Variants in LANCL2 observed in about 807,000 individuals in gnomAD.
LANCL2 encodes LanC like glutathione S-transferase 2.
A neutral mutation model predicts 56.9 loss-of-function variants in LANCL2; 33 were observed. That is an observed-to-expected ratio of 0.58 (90% CI 0.44 to 0.78). LANCL2 has a LOEUF of 0.78. Ranked by LOEUF, LANCL2 falls within the 30% of genes least tolerant of loss-of-function variation. The pLI is 0.00. For missense variants in LANCL2, 562 were observed against 580.2 expected (o/e 0.97, Z 0.32); for synonymous variants, 233 against 228.2 (o/e 1.02, Z -0.19).
In LANCL2 at chr7:55,399,968, T is replaced by C; in HGVS notation, c.542T>C (p.Leu181Pro). ...TTCTTATTGGTTAGACTTTTGCAGCTCCAGAGATCGGTTGTCTGCCAAGAA... is the reference window on the plus strand; with the variant it reads ...TTCTTATTGGTTAGACTTTTGCAGCCCCAGAGATCGGTTGTCTGCCAAGAA... ...SQECVTKLLQ[L>P]QRSVVCQESD... The change falls in exon 4 of 9, where the codon CTC becomes CCC. Residue 181 changes from leucine to proline, a missense_variant. Physicochemically the swap from Leu to Pro is moderately conservative, Grantham distance 98. Coordinates refer to ENST00000254770, the MANE Select transcript of LANCL2 (RefSeq NM_018697.4). The C allele has an allele frequency of 1.2e-6, 2 of 1,611,440 alleles. No individual in the cohort carries two copies. The highest frequency in any genetic ancestry group is 1.7e-6 in the Non-Finnish European group (2 of 1,178,280).
chr7:55,428,477 A>G (rs1302133866), intron 8 of LANCL2, 30 bp downstream of exon 8: 1 of 1,592,474 alleles, frequency 6.3e-7, no homozygotes, highest in Non-Finnish European at 8.6e-7. Context: ...TATAGATTAA[A>G]TGTTTGGGTG....
chr7:55,414,531 G>A (rs1790505000), intron 6 of LANCL2, among the ~76,000 whole-genome samples: 1 of 152,150 alleles, frequency 6.6e-6, no homozygotes, highest in Non-Finnish European at 1.5e-5. Flanking sequence ...CCTTTACAAA[G>A]AAAACTGTAA....
At chr7:55,404,965 G>A (rs937255252) in intron 5 of LANCL2, among the ~76,000 whole-genome samples, 1 of 152,142 alleles carries the variant, frequency 6.6e-6, no homozygotes, top group African/African-American at 2.4e-5. Context: ...TTTAAAAATG[G>A]CACTGTTATT....
chr7:55,410,519 T>G (rs1162029544), intron 5 of LANCL2, among the ~76,000 whole-genome samples: 2 of 152,238 alleles, frequency 1.3e-5, no homozygotes, highest in African/African-American at 4.8e-5. Flanking sequence ...ACTTTGGTGC[T>G]TATGGAATGA....
At chr7:55,378,551 T>C (rs1265931995) in intron 1 of LANCL2, among the ~76,000 whole-genome samples, 1 of 151,858 alleles carries the variant, frequency 6.6e-6, no homozygotes, top group Non-Finnish European at 1.5e-5. Context: ...TGTGTGTGTG[T>C]GTGTATGTAA....
chr7:55,396,152 C>T (rs1160818297), intron 2 of LANCL2, among the ~76,000 whole-genome samples: 1 of 152,162 alleles, frequency 6.6e-6, no homozygotes. Context: ...TGTGGGGGCT[C>T]AGTGTGGGCA....
At chr7:55,366,423 G>A (rs1203067126) in intron 1 of LANCL2, among the ~76,000 whole-genome samples, 194 bp downstream of exon 1, 1 of 152,246 alleles carries the variant, frequency 6.6e-6, no homozygotes, top group African/African-American at 2.4e-5. Context: ...CATGAACCAC[G>A]TTCCAGCAGT....
intron 1 of LANCL2, among the ~76,000 whole-genome samples, chr7:55,381,993 T>C (rs898898536): frequency 6.6e-6 from 1 of 152,200 alleles, no homozygotes; most frequent in Non-Finnish European, 1.5e-5. Context: ...AGGGACACCG[T>C]TTTTAAGTCC....
intron 1 of LANCL2, among the ~76,000 whole-genome samples, chr7:55,390,474 C>T (rs7806115): frequency 0.3 from 45,823 of 151,886 alleles, 7,364 homozygotes; most frequent in Non-Finnish European, 0.36. Flanking sequence ...GGTGTGGTGG[C>T]GGGTGCTTGT....
chr7:55,387,911 C>T (rs1416993918), intron 1 of LANCL2, among the ~76,000 whole-genome samples: 3 of 152,080 alleles, frequency 2.0e-5, no homozygotes, highest in Non-Finnish European at 4.4e-5. Flanking sequence ...TCCTTTTCTT[C>T]TTTAACTTTA....
intron 3 of LANCL2, 74 bp from the exon 4 acceptor site, chr7:55,399,883 C>A: frequency 8.4e-7 from 1 of 1,183,880 alleles, no homozygotes; most frequent in South Asian, 1.9e-5. Flanking sequence ...ATTCCTAAAG[C>A]AACAGGGTTA....
At chr7:55,382,124 G>A (rs1790075895) in intron 1 of LANCL2, among the ~76,000 whole-genome samples, 1 of 152,156 alleles carries the variant, frequency 6.6e-6, no homozygotes, top group Admixed American at 6.5e-5. Flanking sequence ...CTACATAAAA[G>A]ACACATTTTC....
intron 7 of LANCL2, among the ~76,000 whole-genome samples, chr7:55,427,111 ATG>A (rs963872923): frequency 2.6e-5 from 4 of 152,228 alleles, no homozygotes; most frequent in African/African-American, 9.6e-5. Context: ...AGGGAAGGAA[ATG>A]TGTGGCCAAA....
At chr7:55,427,971 A>C (rs1237663710) in intron 7 of LANCL2, 1 of 173,528 alleles carries the variant, frequency 5.8e-6, no homozygotes, top group Non-Finnish European at 1.2e-5. Context: ...GCTGTTTCCC[A>C]GCTGGGGCCA....
intron 6 of LANCL2, among the ~76,000 whole-genome samples, chr7:55,416,298 A>T (rs772332753): frequency 1.3e-5 from 2 of 151,332 alleles, no homozygotes; most frequent in South Asian, 2.1e-4. Context: ...TATTATTATT[A>T]TTTTTTGAGA....
intron 7 of LANCL2, among the ~76,000 whole-genome samples, chr7:55,426,473 A>T (rs1450611594): frequency 6.6e-6 from 1 of 152,206 alleles, no homozygotes; most frequent in Non-Finnish European, 1.5e-5. Flanking sequence ...TATGTTCTTT[A>T]TACTTTTTGA....
At chr7:55,416,974 T>C (rs1029824398) in intron 6 of LANCL2, among the ~76,000 whole-genome samples, 1 of 69,902 alleles carries the variant, frequency 1.4e-5, no homozygotes, top group Non-Finnish European at 3.4e-5. Context: ...AGGTGGTTTT[T>C]TTTTTTTTTT....
At chr7:55,386,674 C>T in intron 1 of LANCL2, among the ~76,000 whole-genome samples, 1 of 152,186 alleles carries the variant, frequency 6.6e-6, no homozygotes, top group East Asian at 1.9e-4. Context: ...AGCATGACTT[C>T]TTTTCCCCAA....
Position 55,391,161 on chromosome 7 carries a change from C to T in LANCL2, c.205-632C>T, listed in dbSNP as rs368384836. Among the ~76,000 whole-genome samples the T allele has an allele frequency of 6.6e-5, 10 of 151,090 alleles. No homozygotes were observed. In the East Asian group the frequency reaches 1.2e-3, roughly 18 times the overall value. On this transcript the variant is annotated intron_variant, in intron 1 of 8. Transcript: ENST00000254770. ...CCTCCCGCGTAGCTGGGACTACAGG[C>T]GCCCGCCACCACGCCCGGCTAATTT...
Sources: gnomAD v4.1 joint callset for allele counts (sites outside exome capture counted in the v4.1 genomes callset) on GRCh38, gnomAD v4.1.1 for gene constraint, MANE v1.5 for transcripts, NCBI Gene and HGNC (gene_info 2026-07-23, HGNC 2026-07-21) for gene names.